Variants in WDHD1 observed in about 807,000 individuals in gnomAD.
WDHD1 encodes WD repeat and HMG-box DNA-binding protein 1.
A neutral mutation model predicts 135.4 loss-of-function variants in WDHD1; 111 were observed. The ratio of observed to expected loss-of-function variants is 0.82; its 90% CI spans 0.70 to 0.96. The LOEUF is 0.96. WDHD1 is among the 40% of genes least tolerant of loss of function. The pLI, the probability that WDHD1 is intolerant of heterozygous loss-of-function variation, is 0.00. For synonymous variants in WDHD1, 434 were observed against 439.0 expected (o/e 0.99, Z 0.14); for missense variants, 1,351 against 1,336.3 (o/e 1.01, Z -0.17).
At chr14:54,996,139 T>A (rs1393121912) in intron 10 of WDHD1, among the ~76,000 whole-genome samples, 3 of 152,224 alleles carry the variant, frequency 2.0e-5, no homozygotes, top group Admixed American at 6.5e-5. Flanking sequence ...GATATTAATA[T>A]GATAAAGTCC....
At chr14:54,988,893 T>TGAGG (rs1333623791) in intron 13 of WDHD1, 135 bp downstream of exon 13, 37 of 704,306 alleles carry the variant, frequency 5.3e-5, no homozygotes, top group Non-Finnish European at 7.7e-5. Context: ...GGTGTGCTGG[T>TGAGG]GTTTGTACCA....
chr14:55,005,886 G>A (rs2042060658), intron 7 of WDHD1, among the ~76,000 whole-genome samples: 4 of 151,652 alleles, frequency 2.6e-5, no homozygotes. Context: ...TATTTTTAAG[G>A]CAGGGTTTTG....
At chr14:54,962,173 C>T (rs1474449465) in intron 21 of WDHD1, among the ~76,000 whole-genome samples, 1 of 152,142 alleles carries the variant, frequency 6.6e-6, no homozygotes, top group Non-Finnish European at 1.5e-5. Context: ...ATCCTGCATG[C>T]TTCCTCAGTG....
rs188866129 is a variant in WDHD1, at chr14:54,960,358, C to T, written c.2701+2140G>A. On this transcript the variant is annotated intron_variant, in intron 21 of 25. Coordinates refer to ENST00000360586, the MANE Select transcript of WDHD1 (RefSeq NM_007086.4). ...AATTTTTATGTATTTTTAGTAGAGA[C>T]GGGGTTTCACTGTGTTCTTCAGGAT... is the stretch of plus-strand genomic sequence containing the variant. Among the ~76,000 whole-genome samples the T allele has an allele frequency of 4.7e-5, 7 of 150,488 alleles. No individual in the cohort carries two copies. In the East Asian group the frequency reaches 5.9e-4, roughly 13 times the overall value.
chr14:55,004,965 G>A, intron 7 of WDHD1: 1 of 540,632 alleles, frequency 1.8e-6, no homozygotes, highest in Non-Finnish European at 3.6e-6. Context: ...AGACCAGTCT[G>A]CAACCTCAGG....
chr14:54,987,137 A>G lies in WDHD1; in HGVS notation c.1768+9T>C. The G allele has an allele frequency of 1.2e-6, 2 of 1,610,926 alleles. No individual in the cohort carries two copies. Among genetic ancestry groups the G allele is most frequent in the East Asian group, 2.2e-5 (1 of 44,846 alleles). ...TACTTCAAGTCATAAAAGACTGAAA[A>G]AAATCTACCTCTGTGATAAACAATG... On this transcript the variant is annotated intron_variant, in intron 14 of 25. Coordinates refer to ENST00000360586, the MANE Select transcript of WDHD1 (RefSeq NM_007086.4).
At chr14:54,978,409 C>T (rs2041561889) in intron 16 of WDHD1, among the ~76,000 whole-genome samples, 1 of 151,830 alleles carries the variant, frequency 6.6e-6, no homozygotes, top group Non-Finnish European at 1.5e-5. Flanking sequence ...ATGGTGAGAC[C>T]CCATCTTTAC....
intron 3 of WDHD1, among the ~76,000 whole-genome samples, chr14:55,013,194 C>CAAAAAAAAAAAAAAAAAAAAAAAAAAA (rs71448422): frequency 1.6e-4 from 13 of 82,322 alleles, no homozygotes; most frequent in South Asian, 5.3e-4. Context: ...GATCCCGTTT[C>CAAAAAAAAAAAAAAAAAAAAAAAAAAA]AAAAAAAAAA....
At chr14:54,945,542 G>A (rs570559728) in intron 24 of WDHD1, among the ~76,000 whole-genome samples, 2 of 152,218 alleles carry the variant, frequency 1.3e-5, no homozygotes, top group African/African-American at 4.8e-5. Flanking sequence ...TGACTCCAAA[G>A]TCTATGTTTT....
rs566847558 is a variant in WDHD1 at position 55,018,539 on chromosome 14, G to C, written c.78-4943C>G. On this transcript the variant is annotated intron_variant, in intron 2 of 25. Transcript: ENST00000360586. ...CTGTGAAACATCCAAAAGAATCATAGACAACTTGATGAATTTTGTCCTTAA... is the reference window on the plus strand; with the variant it reads ...CTGTGAAACATCCAAAAGAATCATACACAACTTGATGAATTTTGTCCTTAA... 5.3e-5 allele frequency among the ~76,000 whole-genome samples: 8 copies of C among 152,218 alleles called. No individual in the cohort carries two copies. The East Asian group carries it at 1.5e-3, about 29-fold the overall frequency.
intron 2 of WDHD1, among the ~76,000 whole-genome samples, chr14:55,019,263 A>C (rs922980994): frequency 6.6e-6 from 1 of 152,200 alleles, no homozygotes; most frequent in Admixed American, 6.5e-5. Context: ...CATTTAGATC[A>C]TATGTTTAAT....
intron 24 of WDHD1, among the ~76,000 whole-genome samples, chr14:54,949,964 C>T (rs1057003027): frequency 5.9e-5 from 9 of 152,072 alleles, no homozygotes; most frequent in South Asian, 2.1e-4. Flanking sequence ...GTCACCACCA[C>T]GCCTGCCCTA....
At chr14:55,018,819 G>C (rs910180373) in intron 2 of WDHD1, among the ~76,000 whole-genome samples, 1 of 152,028 alleles carries the variant, frequency 6.6e-6, no homozygotes, top group Admixed American at 6.6e-5. Flanking sequence ...ACTTTGGGAG[G>C]CGAGACCAGC....
At chr14:54,983,577 G>A (rs1010456740) in intron 15 of WDHD1, among the ~76,000 whole-genome samples, 1 of 152,118 alleles carries the variant, frequency 6.6e-6, no homozygotes, top group Non-Finnish European at 1.5e-5. Flanking sequence ...GAAGGCTGAA[G>A]CAGGAGAATT....
At chr14:54,948,847 C>T (rs934447002) in intron 24 of WDHD1, among the ~76,000 whole-genome samples, 1 of 152,172 alleles carries the variant, frequency 6.6e-6, no homozygotes, top group African/African-American at 2.4e-5. Context: ...TGCTGTTCAC[C>T]AATATTTGCT....
intron 16 of WDHD1, among the ~76,000 whole-genome samples, chr14:54,967,623 T>G (rs966994037): frequency 2.6e-5 from 4 of 152,162 alleles, no homozygotes; most frequent in African/African-American, 9.7e-5. Context: ...CACATCTCAC[T>G]TGATTTATTT....
intron 11 of WDHD1, among the ~76,000 whole-genome samples, chr14:54,992,438 C>G (rs1392491464): frequency 6.6e-6 from 1 of 152,126 alleles, no homozygotes; most frequent in Non-Finnish European, 1.5e-5. Flanking sequence ...TGCAGTGAAC[C>G]GAGATCGTGC....
intron 7 of WDHD1, among the ~76,000 whole-genome samples, chr14:55,003,965 T>A (rs2042021740): frequency 6.6e-6 from 1 of 152,222 alleles, no homozygotes; most frequent in Non-Finnish European, 1.5e-5. Flanking sequence ...ACTATGGAAA[T>A]TAGCTCTGTT....
intron 18 of WDHD1, among the ~76,000 whole-genome samples, chr14:54,964,527 T>A (rs1478418222): frequency 1.3e-5 from 2 of 151,892 alleles, no homozygotes; most frequent in Non-Finnish European, 2.9e-5. Context: ...TAGTCCCAGC[T>A]ACTCGGGAGG....
Sources: allele counts gnomAD v4.1 joint callset (sites outside exome capture counted in the v4.1 genomes callset), GRCh38; gene constraint gnomAD v4.1.1; transcripts MANE v1.5; gene names NCBI Gene and HGNC (gene_info 2026-07-23, HGNC 2026-07-21).